Variants in JAK1 observed in about 807,000 individuals in gnomAD.
JAK1 encodes the protein tyrosine-protein kinase JAK1.
Under a neutral mutation model 136.6 loss-of-function variants are expected in JAK1, and 16 were observed. The ratio of observed to expected loss-of-function variants is 0.12; its 90% CI spans 0.08 to 0.18. JAK1 has a LOEUF of 0.18. JAK1 is among the 10% of genes least tolerant of loss of function. JAK1 has a pLI of 1.00. For missense variants in JAK1, 859 were observed against 1,450.1 expected (o/e 0.59, Z 6.62); for synonymous variants, 492 against 519.5 (o/e 0.95, Z 0.72).
chr1:64,924,985 G>T (rs1645559133), intron 1 of JAK1, among the ~76,000 whole-genome samples: 1 of 152,100 alleles, frequency 6.6e-6, no homozygotes, highest in Non-Finnish European at 1.5e-5. Context: ...CTAAACTATG[G>T]ACTTTGGGTG....
intron 2 of JAK1, among the ~76,000 whole-genome samples, chr1:64,998,624 T>A (rs1646725194): frequency 6.6e-6 from 1 of 152,168 alleles, no homozygotes; most frequent in African/African-American, 2.4e-5. Flanking sequence ...CATCTTGAAT[T>A]CCCATGTGTC....
chr1:64,906,052 T>C (rs1645185595), intron 1 of JAK1, among the ~76,000 whole-genome samples: 1 of 152,194 alleles, frequency 6.6e-6, no homozygotes, highest in Admixed American at 6.5e-5. Flanking sequence ...CCAACTACCT[T>C]GGGAGGCCAA....
intron 2 of JAK1, among the ~76,000 whole-genome samples, chr1:64,986,884 C>G (rs1290072176): frequency 1.3e-5 from 2 of 151,632 alleles, no homozygotes; most frequent in African/African-American, 2.4e-5. Flanking sequence ...AGCCACCCCC[C>G]ACCCAAAAAA....
chr1:64,877,714 A>C (rs973128849), intron 4 of JAK1, among the ~76,000 whole-genome samples: 5 of 152,198 alleles, frequency 3.3e-5, no homozygotes, highest in Non-Finnish European at 7.3e-5. Flanking sequence ...AGAAACCTAG[A>C]GGGAAAGAAT....
intron 12 of JAK1, among the ~76,000 whole-genome samples, chr1:64,850,327 A>G (rs891504332): frequency 6.6e-6 from 1 of 152,228 alleles, no homozygotes; most frequent in Admixed American, 6.5e-5. Context: ...CTGTTTCTCA[A>G]GATAGTTCTC....
chr1:64,935,445 G>A lies in JAK1; in HGVS notation c.-78+30888C>T, dbSNP rs375890763. Among the ~76,000 whole-genome samples, 45 of 152,230 alleles carry A rather than the reference G, an allele frequency of 3.0e-4. 1 individual carries two copies. Among genetic ancestry groups the A allele is most frequent in the Non-Finnish European group, 4.4e-4 (30 of 68,014 alleles). On this transcript the variant is annotated intron_variant, in intron 1 of 24. Transcript: ENST00000342505. The stretch of plus-strand genomic sequence containing the variant: ...CTCCTGAGTAGCTGGGATTACAGGC[G>A]TGTGCCACCACGCCCAGCTAATTTT...
At chr1:65,065,270 A>T (rs1330767721) in intron 1 of JAK1, among the ~76,000 whole-genome samples, 1 of 152,160 alleles carries the variant, frequency 6.6e-6, no homozygotes, top group African/African-American at 2.4e-5. Context: ...GAAAACTCAG[A>T]GTGTTACTTT....
At chr1:64,963,983 A>C (rs1050290423) in intron 1 of JAK1, among the ~76,000 whole-genome samples, 1 of 152,166 alleles carries the variant, frequency 6.6e-6, no homozygotes, top group Non-Finnish European at 1.5e-5. Flanking sequence ...GAAACTGCAA[A>C]TATCTCATTG....
intron 1 of JAK1, among the ~76,000 whole-genome samples, chr1:64,938,708 T>C (rs1230015704): frequency 3.3e-5 from 5 of 152,222 alleles, no homozygotes; most frequent in Non-Finnish European, 5.9e-5. Context: ...TACACTTTCA[T>C]GTTTCTCAAC....
intron 1 of JAK1, among the ~76,000 whole-genome samples, chr1:64,896,376 T>C (rs926477712): frequency 6.6e-6 from 1 of 152,326 alleles, no homozygotes; most frequent in African/African-American, 2.4e-5. Flanking sequence ...TTGCAGGGGA[T>C]GGGATACACT....
At chr1:64,995,190 A>T (rs1399281911) in intron 2 of JAK1, 2 of 152,218 alleles carry the variant, frequency 1.3e-5, no homozygotes, top group Non-Finnish European at 2.9e-5. Context: ...TTAAAGTTAA[A>T]GCCCATTTGC....
At chr1:64,919,350 C>T (rs956222297) in intron 1 of JAK1, among the ~76,000 whole-genome samples, 19 of 152,154 alleles carry the variant, frequency 1.2e-4, no homozygotes, top group Admixed American at 5.2e-4. Context: ...ATGAACTCAT[C>T]GTTTTTTATG....
chr1:64,860,642 C>T (rs1399239445), intron 8 of JAK1, among the ~76,000 whole-genome samples: 2 of 151,816 alleles, frequency 1.3e-5, no homozygotes, highest in East Asian at 1.9e-4. Flanking sequence ...TTAGTAGATA[C>T]GGGGTTTCAC....
At chr1:65,025,943 T>C (rs978780980) in intron 2 of JAK1, among the ~76,000 whole-genome samples, 21 of 152,182 alleles carry the variant, frequency 1.4e-4, no homozygotes, top group African/African-American at 5.1e-4. Context: ...CCTCCCATAA[T>C]GCTGGGATTA....
intron 1 of JAK1, among the ~76,000 whole-genome samples, chr1:64,964,659 T>TA (rs1286737406): frequency 1.3e-5 from 2 of 152,166 alleles, no homozygotes; most frequent in African/African-American, 2.4e-5. Flanking sequence ...ATCCTAGCAG[T>TA]AAAAAAACAT....
At chr1:64,951,949 G>A (rs564825975) in intron 1 of JAK1, among the ~76,000 whole-genome samples, 6 of 152,236 alleles carry the variant, frequency 3.9e-5, no homozygotes, top group South Asian at 2.1e-4. Context: ...GAGCCACCGC[G>A]CCAGGCACAA....
chr1:64,951,649 CTTTTTTTTT>C (rs71056071), intron 1 of JAK1, among the ~76,000 whole-genome samples: 2 of 76,960 alleles, frequency 2.6e-5, no homozygotes, highest in Non-Finnish European at 4.6e-5. Flanking sequence ...CAAGTTCTGC[CTTTTTTTTT>C]TTTTTTTTTT....
intron 1 of JAK1, among the ~76,000 whole-genome samples, chr1:64,928,734 T>A (rs979610779): frequency 3.3e-5 from 4 of 119,934 alleles, no homozygotes; most frequent in Non-Finnish European, 6.4e-5. Context: ...ATTTTCAAGC[T>A]ATGTTCTGAG....
At chr1:65,037,112 G>A (rs1409523029) in intron 2 of JAK1, among the ~76,000 whole-genome samples, 1 of 152,148 alleles carries the variant, frequency 6.6e-6, no homozygotes, top group Non-Finnish European at 1.5e-5. Context: ...CTTAAGCCCA[G>A]GAGTTCGAGG....
Sources: gnomAD v4.1 joint callset for allele counts (sites outside exome capture counted in the v4.1 genomes callset) on GRCh38, gnomAD v4.1.1 for gene constraint, MANE v1.5 for transcripts, NCBI Gene and HGNC (gene_info 2026-07-23, HGNC 2026-07-21) for gene names.